Variants in MDFI observed in about 807,000 individuals in gnomAD.
The protein encoded by MDFI is MyoD family inhibitor, also known as inhibitor of MyoD family a.
MDFI carries 16 observed loss-of-function variants against 22.3 expected under a neutral mutation model. The observed-to-expected ratio is 0.72, with a 90% confidence interval of 0.49 to 1.09. The LOEUF (loss-of-function observed/expected upper bound fraction) is 1.09. Ranked by LOEUF, MDFI falls within the 50% of genes least tolerant of loss-of-function variation. The pLI is 0.00. For synonymous variants in MDFI, 145 were observed against 142.7 expected (o/e 1.02, Z -0.12); for missense variants, 314 against 326.1 (o/e 0.96, Z 0.29).
Position 41,649,710 on chromosome 6 carries a change from G to A in MDFI, c.351G>A (p.Gly117=), listed in dbSNP as rs1340232017. ...AGCTGGGCGGCACCAGACGGGCGGG[G>A]AATGGTGCCCTGGGTGGCCCCAAGG... is the stretch of plus-strand genomic sequence containing the variant. ...PSELGGTRRA[G]NGALGGPKAH... is the part of the protein sequence containing the mutation. Residue 117 remains glycine, a synonymous_variant, in exon 4 of 5, where the codon GGG becomes GGA. Transcript: ENST00000230321. The A allele has an allele frequency of 2.5e-6, 4 of 1,613,972 alleles. No homozygotes were observed. Among genetic ancestry groups the A allele is most frequent in the African/African-American group, 1.3e-5 (1 of 74,942 alleles).
At chr6:41,639,832 C>A (rs1340870370) in intron 2 of MDFI, 2 of 985,350 alleles carry the variant, frequency 2.0e-6, no homozygotes, top group Admixed American at 1.2e-4. Context: ...CAAGCTCCTT[C>A]CCTTCTCTGG....
At chr6:41,649,904 G>A (rs1768205528) in intron 4 of MDFI, 61 bp downstream of exon 4, 2 of 1,471,380 alleles carry the variant, frequency 1.4e-6, no homozygotes, top group Admixed American at 1.8e-5. Flanking sequence ...CTCGAAGCAT[G>A]ACGCATGGGC....
chr6:41,650,518 C>T (rs1316459059), intron 4 of MDFI, among the ~76,000 whole-genome samples: 1 of 151,874 alleles, frequency 6.6e-6, no homozygotes, highest in East Asian at 1.9e-4. Flanking sequence ...TTGCACATAA[C>T]ATGCTCAGAA....
upstream of MDFI, chr6:41,638,321 T>A (rs1767707261): frequency 6.0e-6 from 1 of 166,020 alleles, no homozygotes; most frequent in Admixed American, 7.9e-5. The surrounding 1 kb of genome is among the most constrained non-coding windows in gnomAD (Gnocchi z 7.6). Context: ...GTCCGGCTCC[T>A]GGCTGGGCCA....
intron 3 of MDFI, 34 bp downstream of exon 3, chr6:41,646,342 A>T (rs1242643688): frequency 7.2e-7 from 1 of 1,391,816 alleles, no homozygotes. Context: ...TTGGATGGCA[A>T]CATGTAGGGT....
At position 41,653,212 on chromosome 6, in the gene MDFI, G is replaced by T; in HGVS notation, c.485-107G>T. The T allele has an allele frequency of 8.7e-7, 1 of 1,152,500 alleles. No individual in the cohort carries two copies. Among genetic ancestry groups the T allele is most frequent in the Admixed American group, 1.8e-5 (1 of 56,114 alleles). The allele number at this position is 1,152,500 out of a possible 1,614,324, so 71.4% of individuals were successfully genotyped here. ...GCTTCAGGCACACAGTGAACACTCA[G>T]CGTCCCTGCTGCTGCCGCTGCCGCA... is the stretch of plus-strand genomic sequence containing the variant. On this transcript the variant is annotated intron_variant, in intron 4 of 4. Coordinates refer to ENST00000230321, the MANE Select transcript of MDFI (RefSeq NM_005586.4). This position sits in a 1 kb window ranked among gnomAD's most constrained non-coding sequence, Gnocchi z 4.2.
intron 2 of MDFI, among the ~76,000 whole-genome samples, chr6:41,644,725 C>T (rs1002330535): frequency 6.6e-6 from 1 of 152,024 alleles, no homozygotes; most frequent in African/African-American, 2.4e-5. Flanking sequence ...GCCTCTCTCC[C>T]CCACCCCCAC....
In MDFI at chr6:41,646,247, CCCTGGCATCCCCCAGGG is replaced by C; in HGVS notation, c.204_220del (p.Ile69GlnfsTer3). The C allele has an allele frequency of 6.3e-7, 1 of 1,577,384 alleles. No individual in the cohort carries two copies. The highest frequency in any genetic ancestry group is 8.6e-7 in the Non-Finnish European group (1 of 1,162,980). On this transcript the variant is annotated frameshift_variant, in exon 3 of 5. Coordinates refer to ENST00000230321, the MANE Select transcript of MDFI (RefSeq NM_005586.4). LOFTEE classifies it high-confidence loss of function. ...CAACCCCCATGCCCCAAGGCAATGG[CCCTGGCATCCCCCAGGG>C]CCTGGACAGCACTGACCTCGACGTC...
At chr6:41,639,859 C>A (rs948861915) in intron 2 of MDFI, 26 of 985,330 alleles carry the variant, frequency 2.6e-5, no homozygotes, top group Non-Finnish European at 3.0e-5. Context: ...CCTCCACATG[C>A]GCCCTCGAAG....
chr6:41,640,176 G>C (rs72863062), intron 2 of MDFI, among the ~76,000 whole-genome samples: 1,832 of 152,286 alleles, frequency 0.012, 12 homozygotes, highest in Middle Eastern at 0.021. Context: ...CCTTCTCTGT[G>C]TCTGGGAACC....
chr6:41,638,497 C>T lies in MDFI; in HGVS notation c.-167C>T, dbSNP rs1004868746. On this transcript the variant is annotated 5_prime_UTR_variant, in exon 1 of 5. Transcript: ENST00000230321. This position sits in a 1 kb window ranked among gnomAD's most constrained non-coding sequence, Gnocchi z 7.6. ...GGAAGGGGCGAACGGCGTGAGCTGG[C>T]GCCGAAATGGGAGAAAGCAGCGAGT... 4 of 519,338 alleles carry T rather than the reference C, an allele frequency of 7.7e-6. No individual in the cohort carries two copies. Among genetic ancestry groups the T allele is most frequent in the Non-Finnish European group, 1.3e-5 (4 of 296,594 alleles). The allele number at this position is 519,338 out of a possible 1,614,324, so 32.2% of individuals were successfully genotyped here.
rs746318317 is a variant in MDFI, at chr6:41,646,234, C to T, written c.185C>T (p.Pro62Leu). The T allele has an allele frequency of 6.3e-7, 1 of 1,588,624 alleles. No individual in the cohort carries two copies. Residue 62 changes from proline (P) to leucine (L), a missense_variant, in exon 3 of 5, where the codon CCC (proline) becomes CTC (leucine). Pro to Leu is a moderately conservative substitution (Grantham distance 98). Coordinates refer to ENST00000230321, the MANE Select transcript of MDFI (RefSeq NM_005586.4). Reference protein sequence around the residue: ...GSLEEAATPMPQGNGPGIPQG... With the variant: ...GSLEEAATPMLQGNGPGIPQG... The stretch of plus-strand genomic sequence containing the variant: ...CTGGAGGAGGCGGCAACCCCCATGC[C>T]CCAAGGCAATGGCCCTGGCATCCCC...
At position 41,653,210 on chromosome 6, in the gene MDFI, C is replaced by A; in HGVS notation, c.485-109C>A. The A allele has an allele frequency of 1.8e-6, 2 of 1,135,798 alleles. No individual in the cohort carries two copies. Among genetic ancestry groups the A allele is most frequent in the South Asian group, 1.4e-5 (1 of 72,420 alleles). 70.4% of individuals were successfully genotyped at this position (1,135,798 alleles called of 1,614,324 possible). A position where few individuals can be genotyped will look rare whatever the true frequency, so the allele number is the denominator to read the frequency against. ...GAGCTTCAGGCACACAGTGAACACT[C>A]AGCGTCCCTGCTGCTGCCGCTGCCG... is the stretch of plus-strand genomic sequence containing the variant. On this transcript the variant is annotated intron_variant, in intron 4 of 4. Transcript: ENST00000230321. This position sits in a 1 kb window ranked among gnomAD's most constrained non-coding sequence, Gnocchi z 4.2.
chr6:41,649,866 C>T, intron 4 of MDFI, 23 bp downstream of exon 4: 12 of 1,601,730 alleles, frequency 7.5e-6, no homozygotes, highest in Non-Finnish European at 1.0e-5. Context: ...CCCATCTCTC[C>T]CTGGGAGAGG....
In MDFI at chr6:41,638,833, C is replaced by T. The variant is rs1451965392; in HGVS notation, c.76+8C>T. The T allele has an allele frequency of 1.9e-6, 3 of 1,549,654 alleles. No homozygotes were observed. The highest frequency in any genetic ancestry group is 1.2e-5 in the South Asian group (1 of 84,798). ...GCGCAGCCCCGGGCCCAGGTAGGAC[C>T]GGGAGTGGCGAGCGAAGCTGGACAG... On this transcript the variant is annotated splice_region_variant and intron_variant, in intron 2 of 4. Coordinates refer to ENST00000230321, the MANE Select transcript of MDFI (RefSeq NM_005586.4). The surrounding 1 kb of genome is among the most constrained non-coding windows in gnomAD (Gnocchi z 7.6).
intron 2 of MDFI, chr6:41,639,122 G>GTATC: frequency 1.8e-6 from 1 of 560,862 alleles, no homozygotes; most frequent in Non-Finnish European, 2.3e-6. Flanking sequence ...ACACTCCGCG[G>GTATC]TGTCTGTCCG....
chr6:41,645,243 AC>A (rs1211416985), intron 2 of MDFI, among the ~76,000 whole-genome samples: 4 of 150,554 alleles, frequency 2.7e-5, no homozygotes, highest in Non-Finnish European at 5.9e-5. Context: ...GGACGCTCGG[AC>A]CCCTTTCTTC....
intron 2 of MDFI, among the ~76,000 whole-genome samples, chr6:41,640,160 A>G (rs1378280354): frequency 1.3e-5 from 2 of 152,036 alleles, no homozygotes; most frequent in Admixed American, 1.3e-4. Flanking sequence ...GGGCACTTGG[A>G]AGGGTCCTTC....
At chr6:41,637,429 C>A (rs1361164728), upstream of MDFI, among the ~76,000 whole-genome samples, 1 of 152,078 alleles carries the variant, frequency 6.6e-6, no homozygotes, top group Non-Finnish European at 1.5e-5. This position sits in a 1 kb window ranked among gnomAD's most constrained non-coding sequence, Gnocchi z 6.8. Flanking sequence ...GCTCACTGGC[C>A]CTCGTGGCGG....
Sources: allele counts gnomAD v4.1 joint callset (sites outside exome capture counted in the v4.1 genomes callset), GRCh38; gene constraint gnomAD v4.1.1; non-coding constraint Gnocchi (gnomAD v3.1); transcripts MANE v1.5; gene names NCBI Gene and HGNC (gene_info 2026-07-23, HGNC 2026-07-21).